Variants in SGCD observed in about 807,000 individuals in gnomAD.
SGCD encodes delta-sarcoglycan.
A neutral mutation model predicts 36.6 loss-of-function variants in SGCD; 18 were observed. The observed-to-expected ratio is 0.49, with a 90% CI of 0.34 to 0.73. SGCD has a LOEUF of 0.73. Among genes scored for constraint, SGCD ranks in the 30% least tolerant of loss-of-function variants. The pLI is 0.01. For synonymous variants in SGCD, 133 were observed against 130.6 expected (o/e 1.02, Z -0.12); for missense variants, 387 against 346.7 (o/e 1.12, Z -0.92).
intron 1 of SGCD, among the ~76,000 whole-genome samples, chr5:155,981,312 G>C (rs1366732463): frequency 6.6e-6 from 1 of 152,200 alleles, no homozygotes; most frequent in South Asian, 2.1e-4. Flanking sequence ...AGATGTGTCT[G>C]CTGGTGGACC....
intron 1 of SGCD, among the ~76,000 whole-genome samples, chr5:156,026,289 C>G (rs1759225021): frequency 6.6e-6 from 1 of 152,104 alleles, no homozygotes; most frequent in African/African-American, 2.4e-5. Context: ...CAATTATCAT[C>G]AATGTTACAG....
intron 3 of SGCD, among the ~76,000 whole-genome samples, chr5:156,132,302 T>G (rs995701887): frequency 5.3e-5 from 8 of 151,912 alleles, no homozygotes; most frequent in African/African-American, 1.9e-4. Context: ...CTCTGGGATC[T>G]TTCTTATCAG....
chr5:156,478,084 GT>G (rs1404665441), intron 3 of SGCD, among the ~76,000 whole-genome samples: 4 of 151,936 alleles, frequency 2.6e-5, no homozygotes, highest in Non-Finnish European at 5.9e-5. Context: ...AGGGTAGGGT[GT>G]TGTATAGCAT....
Position 156,762,984 on chromosome 5 carries a change from C to G in SGCD, c.*3594C>G, listed in dbSNP as rs750124141. 2 of 152,356 alleles carry G rather than the reference C, an allele frequency of 1.3e-5. No individual in the cohort carries two copies. Among genetic ancestry groups the G allele is most frequent in the African/African-American group, 4.8e-5 (2 of 41,420 alleles). The allele number at this position is 152,356 out of a possible 1,614,324, so 9.4% of individuals were successfully genotyped here. A position where few individuals can be genotyped will look rare whatever the true frequency, so the allele number is the denominator to read the frequency against. On this transcript the variant is annotated 3_prime_UTR_variant, in exon 9 of 9. Coordinates refer to ENST00000337851, the MANE Select transcript of SGCD (RefSeq NM_000337.6). ...ATGTTACATGTGGAAAGCCTGCCTT[C>G]CAAGACATGTGGAAGTAATTGATCC... is the stretch of plus-strand genomic sequence containing the variant.
At chr5:156,316,930 A>G (rs1767531516) in intron 3 of SGCD, among the ~76,000 whole-genome samples, 1 of 152,094 alleles carries the variant, frequency 6.6e-6, no homozygotes, top group Non-Finnish European at 1.5e-5. Context: ...CCATTGAAGA[A>G]TTGTTATTGA....
intron 3 of SGCD, among the ~76,000 whole-genome samples, chr5:156,388,821 C>G (rs1329419907): frequency 1.3e-5 from 2 of 152,158 alleles, no homozygotes; most frequent in Admixed American, 6.5e-5. Flanking sequence ...TTAAATATTT[C>G]CCTAAGCCTT....
chr5:156,178,102 A>C (rs928479652), intron 3 of SGCD, among the ~76,000 whole-genome samples: 5 of 152,162 alleles, frequency 3.3e-5, no homozygotes, highest in East Asian at 1.9e-4. Flanking sequence ...AAAATGTTGA[A>C]TATCTCATGT....
At chr5:156,374,569 G>C (rs1197516745) in intron 3 of SGCD, among the ~76,000 whole-genome samples, 1 of 151,774 alleles carries the variant, frequency 6.6e-6, no homozygotes, top group Non-Finnish European at 1.5e-5. Context: ...ATTGATTTTT[G>C]CTAAAAAACA....
intron 3 of SGCD, among the ~76,000 whole-genome samples, chr5:156,156,636 A>G (rs1762971452): frequency 6.6e-6 from 1 of 151,366 alleles, no homozygotes; most frequent in Non-Finnish European, 1.5e-5. Flanking sequence ...GAAAAATACC[A>G]AAAATGCACA....
intron 3 of SGCD, among the ~76,000 whole-genome samples, chr5:156,271,071 C>T (rs1295514337): frequency 2.6e-5 from 4 of 152,094 alleles, no homozygotes; most frequent in Admixed American, 6.6e-5. Flanking sequence ...CTAATAGAGG[C>T]GTTTTGGAAA....
chr5:156,070,344 T>C (rs1760506050), intron 1 of SGCD, among the ~76,000 whole-genome samples: 2 of 151,856 alleles, frequency 1.3e-5, no homozygotes, highest in Admixed American at 6.5e-5. Context: ...GCATGAAGCG[T>C]TGTTGAATTT....
chr5:156,016,440 A>G (rs907647420), intron 1 of SGCD, among the ~76,000 whole-genome samples: 2 of 152,178 alleles, frequency 1.3e-5, no homozygotes, highest in African/African-American at 4.8e-5. Context: ...TATTAACAAG[A>G]TTCCAAAAGT....
At chr5:156,356,365 G>T (rs1394610) in intron 3 of SGCD, among the ~76,000 whole-genome samples, 1 of 152,126 alleles carries the variant, frequency 6.6e-6, no homozygotes, top group Admixed American at 6.5e-5. Flanking sequence ...CTAGCTGTCA[G>T]CTGGAACCTC....
At chr5:155,847,111 C>T in the SGCD span, among the ~76,000 whole-genome samples, 346 of 152,220 alleles carry the variant, frequency 2.3e-3, 3 homozygotes, top group African/African-American at 8.2e-3. Context: ...ATGCCCGGGC[C>T]ATGTGTGTGC....
At chr5:156,257,970 C>T (rs554770471) in intron 3 of SGCD, among the ~76,000 whole-genome samples, 2 of 152,020 alleles carry the variant, frequency 1.3e-5, no homozygotes, top group South Asian at 4.2e-4. Flanking sequence ...ATAATATGTG[C>T]GGTAAAATGG....
chr5:156,435,108 A>G (rs1050408198), intron 3 of SGCD, among the ~76,000 whole-genome samples: 3 of 152,240 alleles, frequency 2.0e-5, no homozygotes, highest in Non-Finnish European at 2.9e-5. Flanking sequence ...AGGATTAATT[A>G]ATTCCTGTAG....
chr5:155,809,259 G>A, the SGCD span, among the ~76,000 whole-genome samples: 4 of 152,192 alleles, frequency 2.6e-5, no homozygotes, highest in African/African-American at 9.7e-5. Context: ...TTTGGGAATT[G>A]AGTGGTCACA....
intron 3 of SGCD, among the ~76,000 whole-genome samples, chr5:156,504,016 C>T (rs1306349868): frequency 6.6e-6 from 1 of 151,774 alleles, no homozygotes; most frequent in Non-Finnish European, 1.5e-5. Context: ...CCAGCCTGGC[C>T]AACATGGTGA....
At chr5:156,011,457 T>C (rs1758858819) in intron 1 of SGCD, among the ~76,000 whole-genome samples, 1 of 152,140 alleles carries the variant, frequency 6.6e-6, no homozygotes, top group African/African-American at 2.4e-5. Flanking sequence ...TTGTTTTTTT[T>C]TTTAGATGAG....
Sources: allele counts gnomAD v4.1 joint callset (sites outside exome capture counted in the v4.1 genomes callset), GRCh38; gene constraint gnomAD v4.1.1; transcripts MANE v1.5; gene names NCBI Gene and HGNC (gene_info 2026-07-23, HGNC 2026-07-21).